Variants in ATXN10 observed in about 807,000 individuals in gnomAD.
The protein encoded by ATXN10 is ataxin 10.
Under a neutral mutation model 52.9 loss-of-function variants are expected in ATXN10, and 28 were observed. The ratio of observed to expected loss-of-function variants is 0.53; its 90% confidence interval spans 0.39 to 0.73. The LOEUF (loss-of-function observed/expected upper bound fraction) is 0.73. ATXN10 is among the 30% of genes least tolerant of loss of function. ATXN10 has a pLI of 0.00. For missense variants in ATXN10, 565 were observed against 577.0 expected (o/e 0.98, Z 0.21); for synonymous variants, 226 against 221.5 (o/e 1.02, Z -0.18).
intron 5 of ATXN10, among the ~76,000 whole-genome samples, chr22:45,710,526 G>A (rs1924205006): frequency 6.6e-6 from 1 of 152,100 alleles, no homozygotes; most frequent in Admixed American, 6.5e-5. Context: ...TTGCTTTCTT[G>A]TTTATTGTTG....
intron 9 of ATXN10, among the ~76,000 whole-genome samples, chr22:45,785,741 G>A (rs2146858393): frequency 6.6e-6 from 1 of 152,292 alleles, no homozygotes; most frequent in African/African-American, 2.4e-5. Flanking sequence ...TTGTTCTGTG[G>A]AAGTCTGAGG....
rs924577106 is a variant in ATXN10, at chr22:45,787,143, A to G, written c.1174-19816A>G. On this transcript the variant is annotated intron_variant, in intron 9 of 11. Transcript: ENST00000252934. The surrounding 1 kb of genome is among the most constrained non-coding windows in gnomAD (Gnocchi z 4.2). ...TACTGTATATATAAAGATGATCTTCATTTTTTAACAAATTAAGTATAAGTA... is the reference window on the plus strand; with the variant it reads ...TACTGTATATATAAAGATGATCTTCGTTTTTTAACAAATTAAGTATAAGTA... Among the ~76,000 whole-genome samples, 1 of 152,204 alleles carries G rather than the reference A, an allele frequency of 6.6e-6. No homozygotes were observed. The highest frequency in any genetic ancestry group is 2.4e-5 in the African/African-American group (1 of 41,448).
rs915865972 is a variant in ATXN10, at chr22:45,738,552, G to A, written c.895-179G>A. 1.7e-5 allele frequency: 10 copies of A among 590,362 alleles called. No individual in the cohort carries two copies. In the African/African-American group the frequency reaches 1.9e-4, roughly 11 times the overall value. 36.6% of individuals were successfully genotyped at this position (590,362 alleles called of 1,614,324 possible). Reference sequence around the variant, plus strand: ...TGTCTGCTGTTAGTGAAAATGATGAGTCGTGTACATATTTCATACTTCTGT... The same window carrying A: ...TGTCTGCTGTTAGTGAAAATGATGAATCGTGTACATATTTCATACTTCTGT... On this transcript the variant is annotated intron_variant, in intron 7 of 11. Transcript: ENST00000252934.
Position 45,683,525 on chromosome 22 carries a change from C to T in ATXN10, c.117-6187C>T, listed in dbSNP as rs915110706. On this transcript the variant is annotated intron_variant, in intron 1 of 11. Coordinates refer to ENST00000252934, the MANE Select transcript of ATXN10 (RefSeq NM_013236.4). This position sits in a 1 kb window ranked among gnomAD's most constrained non-coding sequence, Gnocchi z 4.8. The stretch of plus-strand genomic sequence containing the variant: ...CTTTGCCTCTAGTCCAAGCTCTTCT[C>T]CCAGCAAGATGCATAGTTGGCTCCC... Among the ~76,000 whole-genome samples, 1 of 152,144 alleles carries T rather than the reference C, an allele frequency of 6.6e-6. No individual in the cohort carries two copies. The highest frequency in any genetic ancestry group is 1.5e-5 in the Non-Finnish European group (1 of 68,026).
rs1360176584 is a variant in ATXN10 at position 45,701,448 on chromosome 22, A to T, written c.488+1070A>T. ...CTGTGAAGTATAGCGTTAAGATGGGATAAACTCTAATTCACCTGTAGCTCA... is the reference window on the plus strand; with the variant it reads ...CTGTGAAGTATAGCGTTAAGATGGGTTAAACTCTAATTCACCTGTAGCTCA... On this transcript the variant is annotated intron_variant, in intron 4 of 11. Transcript: ENST00000252934. The surrounding 1 kb of genome is among the most constrained non-coding windows in gnomAD (Gnocchi z 4.2). Among the ~76,000 whole-genome samples, 8 of 152,184 alleles carry T rather than the reference A, an allele frequency of 5.3e-5. No individual in the cohort carries two copies. Among genetic ancestry groups the T allele is most frequent in the Non-Finnish European group, 7.4e-5 (5 of 68,026 alleles).
chr22:45,796,720 A>G (rs9614518), intron 9 of ATXN10, among the ~76,000 whole-genome samples: 3 of 152,104 alleles, frequency 2.0e-5, no homozygotes, highest in Admixed American at 2.0e-4. Flanking sequence ...CTGGTCTCGA[A>G]CTCCTGACCT....
At chr22:45,724,895 A>G (rs1433348787) in intron 6 of ATXN10, among the ~76,000 whole-genome samples, 1 of 152,174 alleles carries the variant, frequency 6.6e-6, no homozygotes. Flanking sequence ...TCCCAGAACC[A>G]TTTATTGAAT....
Position 45,780,789 on chromosome 22 carries a change from G to A in ATXN10, c.1174-26170G>A, listed in dbSNP as rs1180222020. ...AAACAATACGTTGGCAATTGGACTT[G>A]GGATTCTGGATTAAGGTGGTGCAGA... On this transcript the variant is annotated intron_variant, in intron 9 of 11. Transcript: ENST00000252934. The surrounding 1 kb of genome is among the most constrained non-coding windows in gnomAD (Gnocchi z 4.0). 6.6e-6 allele frequency among the ~76,000 whole-genome samples: 1 copy of A among 152,154 alleles called. No individual in the cohort carries two copies. The highest frequency in any genetic ancestry group is 2.1e-4 in the South Asian group (1 of 4,822).
rs957864886 is a variant in ATXN10 at position 45,790,382 on chromosome 22, G to A, written c.1174-16577G>A. 5.3e-5 allele frequency among the ~76,000 whole-genome samples: 8 copies of A among 151,824 alleles called. No individual in the cohort carries two copies. Among genetic ancestry groups the A allele is most frequent in the Non-Finnish European group, 1.0e-4 (7 of 67,988 alleles). ...GAGATTATCAAAACATTGCCCCCCC[G>A]CCGCCCCACACATACACCAGAGTTA... On this transcript the variant is annotated intron_variant, in intron 9 of 11. Coordinates refer to ENST00000252934, the MANE Select transcript of ATXN10 (RefSeq NM_013236.4). This position sits in a 1 kb window ranked among gnomAD's most constrained non-coding sequence, Gnocchi z 4.7.
rs1307146018 is a variant in ATXN10 at position 45,701,904 on chromosome 22, A to C, written c.489-785A>C. Among the ~76,000 whole-genome samples the C allele has an allele frequency of 1.3e-5, 2 of 152,040 alleles. No individual in the cohort carries two copies. The highest frequency in any genetic ancestry group is 2.9e-5 in the Non-Finnish European group (2 of 68,012). On this transcript the variant is annotated intron_variant, in intron 4 of 11. Transcript: ENST00000252934. This position sits in a 1 kb window ranked among gnomAD's most constrained non-coding sequence, Gnocchi z 4.2. ...TGATCTCATTTGATCGTCATTAAAA[A>C]CCCTGTGAAATAGAGGTTTTGTTAT...
chr22:45,808,775 A>C (rs1363777348), intron 10 of ATXN10, among the ~76,000 whole-genome samples: 1 of 152,260 alleles, frequency 6.6e-6, no homozygotes, highest in Admixed American at 6.5e-5. Context: ...GCACATGCAG[A>C]GAACCACATA....
At chr22:45,791,321 G>C (rs1172120290) in intron 9 of ATXN10, among the ~76,000 whole-genome samples, 1 of 152,002 alleles carries the variant, frequency 6.6e-6, no homozygotes, top group Non-Finnish European at 1.5e-5. Flanking sequence ...TAAAATTATA[G>C]TATTTTATTG....
Position 45,692,982 on chromosome 22 carries a change from T to C in ATXN10, c.309-14T>C. 6.2e-7 allele frequency: 1 copy of C among 1,613,692 alleles called. No homozygotes were observed. Among genetic ancestry groups the C allele is most frequent in the Non-Finnish European group, 8.5e-7 (1 of 1,179,618 alleles). ...AATGAACATGTCTAATTTTGTCTTT[T>C]TTAAAAAACCCAGGAACTTGGATAC... On this transcript the variant is annotated splice_polypyrimidine_tract_variant and intron_variant, in intron 2 of 11. Coordinates refer to ENST00000252934, the MANE Select transcript of ATXN10 (RefSeq NM_013236.4).
At chr22:45,704,567 T>A (rs1923966622) in intron 5 of ATXN10, among the ~76,000 whole-genome samples, 1 of 152,220 alleles carries the variant, frequency 6.6e-6, no homozygotes. Flanking sequence ...CTTTCATTTT[T>A]GGATTGTTCA....
At position 45,789,926 on chromosome 22, in the gene ATXN10, C is replaced by T. The variant is rs896051285; in HGVS notation, c.1174-17033C>T. Among the ~76,000 whole-genome samples, 1 of 152,112 alleles carries T rather than the reference C, an allele frequency of 6.6e-6. No homozygotes were observed. Among genetic ancestry groups the T allele is most frequent in the African/African-American group, 2.4e-5 (1 of 41,424 alleles). On this transcript the variant is annotated intron_variant, in intron 9 of 11. Coordinates refer to ENST00000252934, the MANE Select transcript of ATXN10 (RefSeq NM_013236.4). This position sits in a 1 kb window ranked among gnomAD's most constrained non-coding sequence, Gnocchi z 4.0. ...TAATTAACTGCAAAATCACTTTGAC[C>T]TCAAGGTGGAAAATTCATTCCATAT...
Position 45,772,186 on chromosome 22 carries a change from C to G in ATXN10, c.1173+31648C>G, listed in dbSNP as rs959978819. Reference sequence around the variant, plus strand: ...CAAGAATTTTCTCATAGTTTTTCTTCCTAAAATTTTGTAGTTTTATGTTTT... The same window carrying G: ...CAAGAATTTTCTCATAGTTTTTCTTGCTAAAATTTTGTAGTTTTATGTTTT... On this transcript the variant is annotated intron_variant, in intron 9 of 11. Transcript: ENST00000252934. The surrounding 1 kb of genome is among the most constrained non-coding windows in gnomAD (Gnocchi z 4.1). 1.3e-5 allele frequency among the ~76,000 whole-genome samples: 2 copies of G among 152,000 alleles called. No individual in the cohort carries two copies. The highest frequency in any genetic ancestry group is 6.6e-5 in the Admixed American group (1 of 15,258).
At chr22:45,737,177 T>C (rs1167036935) in intron 7 of ATXN10, among the ~76,000 whole-genome samples, 1 of 152,246 alleles carries the variant, frequency 6.6e-6, no homozygotes, top group Non-Finnish European at 1.5e-5. Flanking sequence ...TAATTCTTTC[T>C]GATGTTTAAT....
At position 45,820,049 on chromosome 22, in the gene ATXN10, TC is replaced by T. The variant is rs1182213122; in HGVS notation, c.1237+13029del. 2.0e-5 allele frequency among the ~76,000 whole-genome samples: 3 copies of T among 152,222 alleles called. No individual in the cohort carries two copies. Among genetic ancestry groups the T allele is most frequent in the African/African-American group, 7.2e-5 (3 of 41,452 alleles). Reference sequence around the variant, plus strand: ...CCATTCAGCACTGTTGGACTGTAACTCCTGGGCTGTTTTATTTTGAGATGAT... The same window carrying T: ...CCATTCAGCACTGTTGGACTGTAACTCTGGGCTGTTTTATTTTGAGATGAT... On this transcript the variant is annotated intron_variant, in intron 10 of 11. Transcript: ENST00000252934. This position sits in a 1 kb window ranked among gnomAD's most constrained non-coding sequence, Gnocchi z 4.9.
intron 9 of ATXN10, among the ~76,000 whole-genome samples, chr22:45,779,108 C>T (rs1927058728): frequency 6.6e-6 from 1 of 152,116 alleles, no homozygotes; most frequent in East Asian, 1.9e-4. Flanking sequence ...ACCAGATTCC[C>T]CAAAATAAAG....
Sources: allele counts gnomAD v4.1 joint callset (sites outside exome capture counted in the v4.1 genomes callset), GRCh38; gene constraint gnomAD v4.1.1; non-coding constraint Gnocchi (gnomAD v3.1); transcripts MANE v1.5; gene names NCBI Gene and HGNC (gene_info 2026-07-23, HGNC 2026-07-21).